The following FHIP1A variants were observed in gnomAD, a reference collection of about 807,000 sequenced individuals.
The protein encoded by FHIP1A is FHF complex subunit HOOK interacting protein 1A.
A neutral mutation model predicts 88.6 loss-of-function variants in FHIP1A; 61 were observed. That is an observed-to-expected ratio of 0.69 (90% CI 0.56 to 0.85). The LOEUF is 0.85. Ranked by LOEUF, FHIP1A falls within the 40% of genes least tolerant of loss-of-function variation. The pLI, the probability that FHIP1A is intolerant of heterozygous loss-of-function variation, is 0.00. For synonymous variants in FHIP1A, 478 were observed against 496.0 expected (o/e 0.96, Z 0.48); for missense variants, 1,154 against 1,273.5 (o/e 0.91, Z 1.43).
intron 7 of FHIP1A, among the ~76,000 whole-genome samples, chr4:151,612,466 C>A (rs62327270): frequency 4.6e-5 from 7 of 152,028 alleles, no homozygotes; most frequent in Non-Finnish European, 7.4e-5. Flanking sequence ...CTGCAACCTC[C>A]GCCTTCCGGC....
At chr4:151,476,068 G>T (rs893193084) in intron 2 of FHIP1A, among the ~76,000 whole-genome samples, 1 of 151,668 alleles carries the variant, frequency 6.6e-6, no homozygotes, top group Non-Finnish European at 1.5e-5. Context: ...CACCATGTTG[G>T]CCAGGATGGT....
intron 3 of FHIP1A, among the ~76,000 whole-genome samples, chr4:151,548,331 T>C (rs1732587800): frequency 6.6e-6 from 1 of 152,206 alleles, no homozygotes; most frequent in Non-Finnish European, 1.5e-5. Flanking sequence ...ATCAGAGGCC[T>C]TTGAACCAGA....
chr4:151,430,653 A>T (rs749269335), intron 1 of FHIP1A, among the ~76,000 whole-genome samples: 5 of 152,202 alleles, frequency 3.3e-5, no homozygotes, highest in Non-Finnish European at 7.3e-5. Flanking sequence ...ATCTGTGGGA[A>T]CACTTTTGGA....
chr4:151,451,500 C>T (rs1449804781), intron 1 of FHIP1A, among the ~76,000 whole-genome samples: 1 of 152,042 alleles, frequency 6.6e-6, no homozygotes. Context: ...ATTATCTGTG[C>T]TTCCTGGCCT....
intron 7 of FHIP1A, among the ~76,000 whole-genome samples, chr4:151,622,893 A>G (rs2126866829): frequency 6.6e-6 from 1 of 152,236 alleles, no homozygotes; most frequent in South Asian, 2.1e-4. Context: ...TTATTAGATG[A>G]GGTTCAAGTA....
intron 3 of FHIP1A, among the ~76,000 whole-genome samples, chr4:151,558,532 C>CAAACA (rs142993818): frequency 0.29 from 44,039 of 150,924 alleles, 6,471 homozygotes; most frequent in Non-Finnish European, 0.3. Flanking sequence ...CATCCTGTCT[C>CAAACA]AAACAAAACA....
At chr4:151,578,611 AT>A (rs1039804896) in intron 5 of FHIP1A, among the ~76,000 whole-genome samples, 11 of 152,156 alleles carry the variant, frequency 7.2e-5, no homozygotes, top group African/African-American at 2.7e-4. Context: ...TGCTGGCAAG[AT>A]GTGGAGGAGT....
intron 3 of FHIP1A, among the ~76,000 whole-genome samples, chr4:151,536,910 C>T (rs548595069): frequency 5.9e-5 from 9 of 152,108 alleles, no homozygotes; most frequent in African/African-American, 1.4e-4. Flanking sequence ...TGTCTTACTC[C>T]GTTGCCCAGG....
chr4:151,508,597 A>G (rs1340558699), intron 3 of FHIP1A, among the ~76,000 whole-genome samples: 8 of 152,294 alleles, frequency 5.3e-5, no homozygotes, highest in African/African-American at 1.9e-4. Context: ...CCATTGTTTA[A>G]ACCAAAAAAT....
chr4:151,486,125 C>T (rs1187179214), intron 3 of FHIP1A, among the ~76,000 whole-genome samples: 12 of 152,156 alleles, frequency 7.9e-5, no homozygotes, highest in Non-Finnish European at 5.9e-5. Context: ...TCTAATGCCA[C>T]TGCTGATCTA....
rs58538673 is a variant in FHIP1A, at chr4:151,496,716, C to CTTTTTTTTTTTTT, written c.-123+14073_-123+14085dup. 8.4e-3 allele frequency among the ~76,000 whole-genome samples: 859 copies of CTTTTTTTTTTTTT among 102,348 alleles called. 62 individuals are homozygous for CTTTTTTTTTTTTT. The highest frequency in any genetic ancestry group is 0.022 in the African/African-American group (556 of 24,966). The allele number at this position is 102,348 out of a possible 152,430, so 67.1% of individuals were successfully genotyped here. On this transcript the variant is annotated intron_variant, in intron 3 of 13. Transcript: ENST00000435205. Reference sequence around the variant, plus strand: ...CACAGGAGCATACCACCACGTCCAGCTTTTTTTTTTTTTTTTTGTATTTTT... The same window carrying CTTTTTTTTTTTTT: ...CACAGGAGCATACCACCACGTCCAGCTTTTTTTTTTTTTTTTTTTTTTTTTTTTTTGTATTTTT...
At chr4:151,601,199 C>T (rs1180192305) in intron 7 of FHIP1A, among the ~76,000 whole-genome samples, 2 of 152,114 alleles carry the variant, frequency 1.3e-5, no homozygotes, top group Non-Finnish European at 2.9e-5. Flanking sequence ...CCTTCTTCTT[C>T]CTTCCAGTCT....
At chr4:151,418,068 A>AG (rs1732962422) in intron 1 of FHIP1A, among the ~76,000 whole-genome samples, 1 of 148,052 alleles carries the variant, frequency 6.8e-6, no homozygotes, top group Non-Finnish European at 1.5e-5. Flanking sequence ...GCTACTTGGG[A>AG]GGCTGAGGCA....
intron 3 of FHIP1A, among the ~76,000 whole-genome samples, chr4:151,543,796 C>A (rs990721794): frequency 6.6e-6 from 1 of 151,760 alleles, no homozygotes; most frequent in African/African-American, 2.4e-5. Context: ...CATATTGTTT[C>A]CTTCTAATTT....
At chr4:151,564,477 G>C (rs1332326236) in intron 3 of FHIP1A, among the ~76,000 whole-genome samples, 1 of 152,214 alleles carries the variant, frequency 6.6e-6, no homozygotes, top group Non-Finnish European at 1.5e-5. Flanking sequence ...CTGGCAGTAA[G>C]ATCACAGGGA....
intron 3 of FHIP1A, among the ~76,000 whole-genome samples, chr4:151,490,886 TAGAA>T (rs1282319254): frequency 6.6e-6 from 1 of 151,916 alleles, no homozygotes; most frequent in East Asian, 1.9e-4. Context: ...ATCGAACAAG[TAGAA>T]AGAACTTCAG....
intron 3 of FHIP1A, among the ~76,000 whole-genome samples, chr4:151,506,864 G>A (rs1730854618): frequency 6.6e-6 from 1 of 152,136 alleles, no homozygotes; most frequent in Non-Finnish European, 1.5e-5. Flanking sequence ...TGTAATATGG[G>A]AAGAGATTTA....
At chr4:151,622,581 G>A (rs1009135224) in intron 7 of FHIP1A, among the ~76,000 whole-genome samples, 2 of 151,970 alleles carry the variant, frequency 1.3e-5, no homozygotes, top group Non-Finnish European at 2.9e-5. Flanking sequence ...AGATTGTTGG[G>A]ACTCAAATAA....
chr4:151,656,427 C>A lies in FHIP1A; in HGVS notation c.2730+17C>A. 1 of 1,549,670 alleles carries A rather than the reference C, an allele frequency of 6.5e-7. No homozygotes were observed. Among genetic ancestry groups the A allele is most frequent in the Non-Finnish European group, 8.7e-7 (1 of 1,145,464 alleles). On this transcript the variant is annotated intron_variant, in intron 12 of 13. Coordinates refer to ENST00000435205, the MANE Select transcript of FHIP1A (RefSeq NM_001109977.3). The surrounding 1 kb of genome is among the most constrained non-coding windows in gnomAD (Gnocchi z 4.2). ...CTCTATCAGGTATGTTAGCTGAACC[C>A]ACATCCACACCTGTTGATTTTGTGG...
Sources: allele counts gnomAD v4.1 joint callset (sites outside exome capture counted in the v4.1 genomes callset), GRCh38; gene constraint gnomAD v4.1.1; non-coding constraint Gnocchi (gnomAD v3.1); transcripts MANE v1.5; gene names NCBI Gene and HGNC (gene_info 2026-07-23, HGNC 2026-07-21).